Variants in SORT1 observed in about 807,000 individuals in gnomAD.
SORT1 encodes the protein sortilin 1.
SORT1 carries 39 observed loss-of-function variants against 101.7 expected under a neutral mutation model. That is an observed-to-expected ratio of 0.38 (90% confidence interval 0.30 to 0.50). SORT1 has a LOEUF of 0.50. Ranked by LOEUF, SORT1 falls within the 20% of genes least tolerant of loss-of-function variation. SORT1 has a pLI of 0.90. For missense variants in SORT1, 878 were observed against 1,040.4 expected (o/e 0.84, Z 2.15); for synonymous variants, 396 against 393.7 (o/e 1.01, Z -0.07).
chr1:109,362,808 A>G (rs1355526335), intron 3 of SORT1, among the ~76,000 whole-genome samples: 1 of 152,156 alleles, frequency 6.6e-6, no homozygotes, highest in East Asian at 1.9e-4. Flanking sequence ...CTTTAAAAAA[A>G]AAAAAGCAAG....
intron 10 of SORT1, among the ~76,000 whole-genome samples, chr1:109,338,583 C>T (rs964032380): frequency 2.0e-5 from 3 of 152,106 alleles, no homozygotes; most frequent in African/African-American, 4.8e-5. Context: ...TGCTATGCAC[C>T]CTTACCAAGA....
intron 8 of SORT1, among the ~76,000 whole-genome samples, chr1:109,342,362 CT>C (rs1291597902): frequency 6.6e-6 from 1 of 152,210 alleles, no homozygotes; most frequent in Admixed American, 6.5e-5. Flanking sequence ...CCATTCTATT[CT>C]AAGTAAGGCT....
rs768177440 is a variant in SORT1 at position 109,342,102 on chromosome 1, G to A, written c.1020C>T (p.Ala340=). The A allele has an allele frequency of 2.5e-6, 4 of 1,612,746 alleles. No homozygotes were observed. The South Asian group carries it at 3.3e-5, about 13-fold the overall frequency. Residue 340 remains alanine (A), a synonymous_variant, in exon 9 of 20, where the codon GCC becomes GCT. Coordinates refer to ENST00000256637, the MANE Select transcript of SORT1 (RefSeq NM_002959.7). ...STDQGDTWSM[A]QLPSVGQEQF... ...GTTCCTGTCCCACGGAGGGGAGCTG[G>A]GCCATGCTCCATGTGTCCCCTTGAT... is the stretch of plus-strand genomic sequence containing the variant.
chr1:109,326,428 A>AATATATATAT (rs1166570516), intron 13 of SORT1, among the ~76,000 whole-genome samples: 196 of 70,806 alleles, frequency 2.8e-3, no homozygotes, highest in Middle Eastern at 6.6e-3. Context: ...AGACAGAAAG[A>AATATATATAT]ATATATATAT....
chr1:109,381,050 C>T (rs143155736), intron 1 of SORT1, among the ~76,000 whole-genome samples: 355 of 152,096 alleles, frequency 2.3e-3, no homozygotes, highest in African/African-American at 8.4e-3. Context: ...CCTTCTTCTA[C>T]GGTGGGTGGG....
chr1:109,370,442 T>C lies in SORT1; in HGVS notation c.307-853A>G, dbSNP rs138272129. Among the ~76,000 whole-genome samples the C allele has an allele frequency of 9.2e-3, 1,398 of 152,192 alleles. 15 individuals carry two copies. Among genetic ancestry groups the C allele is most frequent in the Admixed American group, 0.02 (311 of 15,272 alleles). On this transcript the variant is annotated intron_variant, in intron 1 of 19. Transcript: ENST00000256637. Reference sequence around the variant, plus strand: ...TATTAATACAATCGTCTGTTCTCTATAATTTTTGTAACTGATAAAAAAAAT... The same window carrying C: ...TATTAATACAATCGTCTGTTCTCTACAATTTTTGTAACTGATAAAAAAAAT...
At chr1:109,337,115 T>C (rs1648886061) in intron 10 of SORT1, among the ~76,000 whole-genome samples, 2 of 152,216 alleles carry the variant, frequency 1.3e-5, no homozygotes, top group African/African-American at 4.8e-5. Context: ...GTCTCTCCAC[T>C]ACTCCATATC....
intron 14 of SORT1, among the ~76,000 whole-genome samples, chr1:109,323,517 T>G (rs889985974): frequency 2.6e-5 from 4 of 152,212 alleles, no homozygotes; most frequent in Admixed American, 6.5e-5. Flanking sequence ...ACCAGGGAGC[T>G]CTTTGTTTAG....
intron 1 of SORT1, among the ~76,000 whole-genome samples, chr1:109,377,617 A>G (rs72981195): frequency 0.026 from 3,994 of 152,306 alleles, 179 homozygotes; most frequent in African/African-American, 0.092. Flanking sequence ...GTAGCTAAAC[A>G]TTGGTAAAGA....
chr1:109,362,677 C>T (rs1242853678), intron 3 of SORT1, among the ~76,000 whole-genome samples: 2 of 151,872 alleles, frequency 1.3e-5, no homozygotes, highest in Non-Finnish European at 2.9e-5. Flanking sequence ...AACTTTTAAT[C>T]AGAAGGAACA....
At chr1:109,316,214 T>TCA (rs1647209288) in intron 17 of SORT1, among the ~76,000 whole-genome samples, 1 of 151,928 alleles carries the variant, frequency 6.6e-6, no homozygotes, top group Non-Finnish European at 1.5e-5. Context: ...TCATGGCCCT[T>TCA]CACAGACAAC....
intron 11 of SORT1, among the ~76,000 whole-genome samples, chr1:109,335,281 G>A (rs1186608666): frequency 6.6e-6 from 1 of 152,208 alleles, no homozygotes; most frequent in African/African-American, 2.4e-5. Flanking sequence ...GGCAGGGAGA[G>A]GCATGGGGAG....
At position 109,313,113 on chromosome 1, in the gene SORT1, G is replaced by A. The variant is rs1396707839; in HGVS notation, c.*930C>T. On this transcript the variant is annotated 3_prime_UTR_variant, in exon 20 of 20. Transcript: ENST00000256637. ...TGGAAGACTGTGAGGTTCCGTCTTCGGGGGTTCACACTGTGTACCCGACAA... is the reference window on the plus strand; with the variant it reads ...TGGAAGACTGTGAGGTTCCGTCTTCAGGGGTTCACACTGTGTACCCGACAA... 4 of 152,190 alleles carry A rather than the reference G, an allele frequency of 2.6e-5. No homozygotes were observed. Among genetic ancestry groups the A allele is most frequent in the Admixed American group, 6.5e-5 (1 of 15,278 alleles). 9.4% of individuals were successfully genotyped at this position (152,190 alleles called of 1,614,324 possible). A position where few individuals can be genotyped will look rare whatever the true frequency, so the allele number is the denominator to read the frequency against.
intron 3 of SORT1, among the ~76,000 whole-genome samples, chr1:109,364,780 T>C (rs1042544134): frequency 5.9e-5 from 9 of 152,210 alleles, no homozygotes. Flanking sequence ...ACCTGCTGGC[T>C]ACATGCCATC....
rs1648273327 is a variant in SORT1 at position 109,329,047 on chromosome 1, C to T, written c.1372-1446G>A. Among the ~76,000 whole-genome samples the T allele has an allele frequency of 2.0e-5, 3 of 152,276 alleles. No individual in the cohort carries two copies. In the South Asian group the frequency reaches 6.2e-4, roughly 32 times the overall value. On this transcript the variant is annotated intron_variant, in intron 11 of 19. Coordinates refer to ENST00000256637, the MANE Select transcript of SORT1 (RefSeq NM_002959.7). ...AGAGGACCCAGCCTCCAAGCTACCC[C>T]CAAAGACCAAGGCACCAGGCCCACC...
intron 4 of SORT1, among the ~76,000 whole-genome samples, chr1:109,354,872 G>A (rs535494327): frequency 1.1e-3 from 173 of 152,144 alleles, no homozygotes; most frequent in African/African-American, 4.0e-3. Context: ...CACCTTGGGC[G>A]GGGAACAAAA....
chr1:109,329,678 T>G (rs991171499), intron 11 of SORT1, among the ~76,000 whole-genome samples: 6 of 152,252 alleles, frequency 3.9e-5, no homozygotes, highest in African/African-American at 1.4e-4. Flanking sequence ...TTGGTAAATA[T>G]AAATGCACTC....
At chr1:109,360,174 A>G (rs577228716) in intron 3 of SORT1, among the ~76,000 whole-genome samples, 9 of 152,228 alleles carry the variant, frequency 5.9e-5, no homozygotes, top group African/African-American at 1.9e-4. Flanking sequence ...ATCTCTACAA[A>G]GTATACAAAA....
intron 8 of SORT1, 49 bp from the exon 9 acceptor site, chr1:109,342,207 A>G (rs1346314708): frequency 1.4e-6 from 2 of 1,402,014 alleles, no homozygotes; most frequent in Non-Finnish European, 2.0e-6. Context: ...CCAAGATGCC[A>G]TGGGCAGGGA....
Sources: allele counts gnomAD v4.1 joint callset (sites outside exome capture counted in the v4.1 genomes callset), GRCh38; gene constraint gnomAD v4.1.1; transcripts MANE v1.5; gene names NCBI Gene and HGNC (gene_info 2026-07-23, HGNC 2026-07-21).